Variants in TSPAN3 observed in about 807,000 individuals in gnomAD.
The protein encoded by TSPAN3 is tetraspanin 3, also known as tetraspanin-3.
In TSPAN3, 9 loss-of-function variants were observed where a neutral mutation model predicts 31.1. The ratio of observed to expected loss-of-function variants is 0.29; its 90% confidence interval spans 0.17 to 0.50. The LOEUF (loss-of-function observed/expected upper bound fraction) is 0.50. Ranked by LOEUF, TSPAN3 falls within the 20% of genes least tolerant of loss-of-function variation. The pLI, the probability that TSPAN3 is intolerant of heterozygous loss-of-function variation, is 0.98. For synonymous variants in TSPAN3, 129 were observed against 114.3 expected, an observed-to-expected ratio of 1.13 and a Z score of -0.82; for missense variants, 252 against 313.5, an observed-to-expected ratio of 0.80 and a Z score of 1.48.
intron 1 of TSPAN3, among the ~76,000 whole-genome samples, chr15:77,066,036 G>GT (rs534855391): frequency 2.0e-5 from 3 of 151,944 alleles, no homozygotes; most frequent in Admixed American, 6.6e-5. Flanking sequence ...AGCAAAATAA[G>GT]TATTAGCCAA....
intron 1 of TSPAN3, among the ~76,000 whole-genome samples, chr15:77,059,865 G>T (rs1466431238): frequency 6.6e-6 from 1 of 152,088 alleles, no homozygotes; most frequent in South Asian, 2.1e-4. Context: ...ATCTAAAGAG[G>T]TTCCTATGAG....
chr15:77,048,497 G>A (rs1458021812), intron 6 of TSPAN3, among the ~76,000 whole-genome samples: 1 of 151,324 alleles, frequency 6.6e-6, no homozygotes, highest in Non-Finnish European at 1.5e-5. Context: ...AACTTGTATT[G>A]ATTTTAAAAC....
intron 1 of TSPAN3, among the ~76,000 whole-genome samples, chr15:77,070,518 C>T (rs929362427): frequency 6.6e-6 from 1 of 152,060 alleles, no homozygotes; most frequent in Non-Finnish European, 1.5e-5. Context: ...TGGCGAAGAT[C>T]CTATTTCGAG....
At chr15:77,057,815 T>C (rs2076777105) in intron 1 of TSPAN3, among the ~76,000 whole-genome samples, 1 of 152,186 alleles carries the variant, frequency 6.6e-6, no homozygotes. Flanking sequence ...TTAGTCATTG[T>C]AGCTCACTAC....
rs1027393716 is a variant in TSPAN3, at chr15:77,044,626, C to G, written c.*2209G>C. The G allele has an allele frequency of 7.9e-5, 12 of 152,266 alleles. No individual in the cohort carries two copies. Among genetic ancestry groups the G allele is most frequent in the African/African-American group, 2.9e-4 (12 of 41,442 alleles). 9.4% of individuals were successfully genotyped at this position (152,266 alleles called of 1,614,324 possible). A position where few individuals can be genotyped will look rare whatever the true frequency, so the allele number is the denominator to read the frequency against. On this transcript the variant is annotated 3_prime_UTR_variant, in exon 7 of 7. Transcript: ENST00000267970. ...GGAGGCTGCTCTCTCACCAGGCAAA[C>G]TGAGGACTGAGTACAGGAAGGGTGT...
chr15:77,052,209 G>A (rs1338916200), intron 6 of TSPAN3, among the ~76,000 whole-genome samples, 176 bp downstream of exon 6: 1 of 152,160 alleles, frequency 6.6e-6, no homozygotes, highest in Non-Finnish European at 1.5e-5. Flanking sequence ...AGACCATTCC[G>A]GGTCTAGGTG....
In TSPAN3 at chr15:77,043,025, C is replaced by T. The variant is rs896195377; in HGVS notation, c.*3810G>A. ...CCACAGTGGGCTCTGAAGGGGCTAA[C>T]AAGGCTAGAGGAGGAAGATGGCCTT... is the stretch of plus-strand genomic sequence containing the variant. On this transcript the variant is annotated 3_prime_UTR_variant, in exon 7 of 7. Coordinates refer to ENST00000267970, the MANE Select transcript of TSPAN3 (RefSeq NM_005724.6). The T allele has an allele frequency of 6.6e-6, 1 of 152,284 alleles. No homozygotes were observed. The highest frequency in any genetic ancestry group is 2.4e-5 in the African/African-American group (1 of 41,444). The allele number at this position is 152,284 out of a possible 1,614,324, so 9.4% of individuals were successfully genotyped here. A position where few individuals can be genotyped will look rare whatever the true frequency, so the allele number is the denominator to read the frequency against.
chr15:77,058,314 C>A (rs1022183650), intron 1 of TSPAN3, among the ~76,000 whole-genome samples: 5 of 152,172 alleles, frequency 3.3e-5, no homozygotes, highest in African/African-American at 9.7e-5. Context: ...ATCTCATTAC[C>A]CCTTGTGAAC....
chr15:77,056,524 C>A (rs1259646240), intron 1 of TSPAN3, among the ~76,000 whole-genome samples: 1 of 152,042 alleles, frequency 6.6e-6, no homozygotes, highest in Admixed American at 6.6e-5. Flanking sequence ...ATGACACACA[C>A]CTACACATCC....
intron 2 of TSPAN3, 35 bp downstream of exon 2, chr15:77,056,029 T>A: frequency 1.3e-6 from 2 of 1,571,712 alleles, no homozygotes; most frequent in Non-Finnish European, 1.7e-6. Flanking sequence ...TAGCATAGAC[T>A]AAATACTCCT....
At chr15:77,059,386 A>T (rs1335190108) in intron 1 of TSPAN3, among the ~76,000 whole-genome samples, 2 of 152,164 alleles carry the variant, frequency 1.3e-5, no homozygotes, top group African/African-American at 2.4e-5. Context: ...CTGGCCAGAC[A>T]TAGCTTAATT....
chr15:77,062,109 A>G lies in TSPAN3; in HGVS notation c.64-5854T>C, dbSNP rs74025051. Among the ~76,000 whole-genome samples the G allele has an allele frequency of 5.4e-3, 824 of 152,352 alleles. 7 individuals are homozygous for G. Among genetic ancestry groups the G allele is most frequent in the African/African-American group, 0.019 (771 of 41,578 alleles). ...CATCTTATGCATATATCTTTTTAAC[A>G]TTAAATCCAGAGTTTCCTGTACTGT... On this transcript the variant is annotated intron_variant, in intron 1 of 6. Transcript: ENST00000267970.
intron 1 of TSPAN3, among the ~76,000 whole-genome samples, chr15:77,069,030 G>A (rs895846234): frequency 6.6e-6 from 1 of 152,142 alleles, no homozygotes; most frequent in South Asian, 2.1e-4. Context: ...TCGAATGGTA[G>A]GAGAACGTCA....
At chr15:77,065,641 G>C (rs2076827990) in intron 1 of TSPAN3, among the ~76,000 whole-genome samples, 2 of 152,046 alleles carry the variant, frequency 1.3e-5, no homozygotes, top group African/African-American at 4.8e-5. Context: ...TTAGTCAGGA[G>C]GGTGATCTGC....
At chr15:77,061,072 GAT>G (rs1453205529) in intron 1 of TSPAN3, among the ~76,000 whole-genome samples, 1 of 152,106 alleles carries the variant, frequency 6.6e-6, no homozygotes, top group Non-Finnish European at 1.5e-5. Flanking sequence ...CCAAAAGTAT[GAT>G]ACTTCATTTT....
chr15:77,053,486 A>AAAAAAAAAG, intron 4 of TSPAN3, among the ~76,000 whole-genome samples: 1 of 127,290 alleles, frequency 7.9e-6, no homozygotes, highest in East Asian at 2.1e-4. Context: ...AAAAAAAAAA[A>AAAAAAAAAG]AAAAAAAAGA....
At chr15:77,055,715 G>A (rs1441704058) in intron 3 of TSPAN3, 74 bp downstream of exon 3, 3 of 1,131,692 alleles carry the variant, frequency 2.7e-6, no homozygotes, top group Non-Finnish European at 3.8e-6. Flanking sequence ...CTGATAAAAT[G>A]AATGTGTTCT....
chr15:77,060,373 G>A (rs1363741356), intron 1 of TSPAN3, among the ~76,000 whole-genome samples: 1 of 152,064 alleles, frequency 6.6e-6, no homozygotes, highest in Non-Finnish European at 1.5e-5. Context: ...AATGACACTG[G>A]TTACTTTGAA....
Position 77,046,052 on chromosome 15 carries a change from G to C in TSPAN3, c.*783C>G, listed in dbSNP as rs1177859679. On this transcript the variant is annotated 3_prime_UTR_variant, in exon 7 of 7. Coordinates refer to ENST00000267970, the MANE Select transcript of TSPAN3 (RefSeq NM_005724.6). ...GTTGGGGGCTGATACAGAGTTTATT[G>C]AATTAGATTTTTCTATTTACAACTG... 2 of 187,876 alleles carry C rather than the reference G, an allele frequency of 1.1e-5. No homozygotes were observed. The highest frequency in any genetic ancestry group is 2.3e-5 in the African/African-American group (1 of 42,972). 11.6% of individuals were successfully genotyped at this position (187,876 alleles called of 1,614,324 possible). A position where few individuals can be genotyped will look rare whatever the true frequency, so the allele number is the denominator to read the frequency against.
Sources: allele counts gnomAD v4.1 joint callset (sites outside exome capture counted in the v4.1 genomes callset), GRCh38; gene constraint gnomAD v4.1.1; transcripts MANE v1.5; gene names NCBI Gene and HGNC (gene_info 2026-07-23, HGNC 2026-07-21).